WDR62: variants seen among roughly 807,000 people sequenced by gnomAD.
WDR62 encodes WD repeat-containing protein 62.
A neutral mutation model predicts 160.6 loss-of-function variants in WDR62; 112 were observed. That is an observed-to-expected ratio of 0.70 (90% confidence interval 0.60 to 0.82). The LOEUF (loss-of-function observed/expected upper bound fraction) is 0.82. Among genes scored for constraint, WDR62 ranks in the 40% least tolerant of loss-of-function variants. WDR62 has a pLI of 0.00. For missense variants in WDR62, 1,819 were observed against 1,983.8 expected (o/e 0.92, Z 1.58); for synonymous variants, 792 against 815.1 (o/e 0.97, Z 0.48).
intron 3 of WDR62, 173 bp downstream of exon 3, chr19:36,060,203 T>C: frequency 1.5e-6 from 1 of 687,178 alleles, no homozygotes; most frequent in Non-Finnish European, 2.6e-6. Flanking sequence ...GACACAGCAG[T>C]GACCAGAGGA....
intron 3 of WDR62, 109 bp downstream of exon 3, chr19:36,060,139 T>TA: frequency 8.7e-7 from 1 of 1,150,238 alleles, no homozygotes; most frequent in Non-Finnish European, 1.3e-6. Flanking sequence ...CTCATTCACT[T>TA]ACATGTTGGC....
At chr19:36,065,889 G>A (rs919415014) in intron 3 of WDR62, 69 bp from the exon 4 acceptor site, 4 of 1,482,302 alleles carry the variant, frequency 2.7e-6, no homozygotes, top group East Asian at 4.5e-5. Flanking sequence ...TCCTATCAGA[G>A]TCGCCAGGAT....
chr19:36,103,865 CAA>C lies in WDR62; in HGVS notation c.4038_4039del (p.Leu1348ProfsTer4), dbSNP rs1973564968. ...AGGCTCCACGGCTCTGCCTTTCGCC[CAA>C]GTCTCCCAGCTCCTGAGTCCCCTGG... On this transcript the variant is annotated frameshift_variant, in exon 30 of 32. Transcript: ENST00000401500. LOFTEE classifies it high-confidence loss of function. 2 of 1,602,286 alleles carry C rather than the reference CAA, an allele frequency of 1.2e-6. No homozygotes were observed. The highest frequency in any genetic ancestry group is 2.7e-5 in the African/African-American group (2 of 74,940).
chr19:36,067,672 G>A (rs1971014957), intron 6 of WDR62, among the ~76,000 whole-genome samples, 156 bp from the exon 7 acceptor site: 1 of 152,198 alleles, frequency 6.6e-6, no homozygotes, highest in African/African-American at 2.4e-5. Flanking sequence ...CTGCTGTCCA[G>A]CCCCTCTGTC....
At chr19:36,091,340 T>TCCCCCC in intron 17 of WDR62, 29 bp downstream of exon 17, 32 of 1,579,002 alleles carry the variant, frequency 2.0e-5, no homozygotes, top group Non-Finnish European at 2.7e-5. Context: ...TTGGGATGCC[T>TCCCCCC]CCCCACCCGC....
chr19:36,066,109 A>G, intron 4 of WDR62, 94 bp downstream of exon 4: 2 of 1,574,342 alleles, frequency 1.3e-6, no homozygotes, highest in Non-Finnish European at 1.7e-6. Flanking sequence ...TCCCTGGAAT[A>G]GCTCCTTCCT....
chr19:36,088,903 C>T (rs1056467604), intron 13 of WDR62, 135 bp from the exon 14 acceptor site: 2 of 962,596 alleles, frequency 2.1e-6, no homozygotes, highest in East Asian at 5.2e-5. Context: ...CCAGACCCAG[C>T]ACCCACCTCA....
chr19:36,064,052 C>A (rs1474818951), intron 3 of WDR62, among the ~76,000 whole-genome samples: 1 of 152,126 alleles, frequency 6.6e-6, no homozygotes, highest in Non-Finnish European at 1.5e-5. Context: ...TCATGAGAGC[C>A]CTGACTCCAT....
intron 9 of WDR62, among the ~76,000 whole-genome samples, chr19:36,075,601 A>T (rs910853518): frequency 6.6e-6 from 1 of 151,974 alleles, no homozygotes; most frequent in Non-Finnish European, 1.5e-5. Flanking sequence ...AGCCGCCACC[A>T]CGCCTGGCTA....
intron 9 of WDR62, chr19:36,075,455 T>TC (rs1568339124): frequency 4.8e-5 from 7 of 146,048 alleles, no homozygotes; most frequent in African/African-American, 1.6e-4. Context: ...GCAGCTTTTT[T>TC]TCCCCCCCAA....
downstream of WDR62, chr19:36,105,124 G>T (rs550951506): frequency 2.1e-4 from 314 of 1,471,970 alleles, 1 homozygote; most frequent in African/African-American, 1.9e-3. Context: ...CCTGGTGTCT[G>T]TTTGGGCCTA....
At chr19:36,060,058 G>T in intron 3 of WDR62, 28 bp downstream of exon 3, 4 of 1,613,436 alleles carry the variant, frequency 2.5e-6, no homozygotes, top group Non-Finnish European at 3.4e-6. Context: ...CCCGGGGCAG[G>T]GGTGGAACCA....
chr19:36,109,314 T>TC (rs1194031795), downstream of WDR62, among the ~76,000 whole-genome samples: 1 of 152,162 alleles, frequency 6.6e-6, no homozygotes, highest in African/African-American at 2.4e-5. Context: ...ACCCCTCTTT[T>TC]CCCCATCATG....
At chr19:36,106,281 G>A (rs560987957), downstream of WDR62, among the ~76,000 whole-genome samples, 2 of 149,408 alleles carry the variant, frequency 1.3e-5, no homozygotes, top group East Asian at 2.0e-4. Context: ...CAGGAGAATC[G>A]CTCAAACCCA....
chr19:36,068,850 C>T (rs571326860), intron 7 of WDR62, among the ~76,000 whole-genome samples: 4 of 151,892 alleles, frequency 2.6e-5, no homozygotes, highest in Non-Finnish European at 4.4e-5. Flanking sequence ...CATCATGGCC[C>T]GTTCTCAATG....
chr19:36,082,297 T>C (rs537610508), intron 10 of WDR62, among the ~76,000 whole-genome samples: 37 of 152,278 alleles, frequency 2.4e-4, no homozygotes, highest in African/African-American at 8.4e-4. Flanking sequence ...AGCAGCAGCA[T>C]GTGAACTTAT....
chr19:36,102,589 C>A, intron 26 of WDR62, 148 bp from the exon 27 acceptor site: 1 of 683,164 alleles, frequency 1.5e-6, no homozygotes. Context: ...CTGAGCCTCA[C>A]GATGCCTCCT....
intron 9 of WDR62, among the ~76,000 whole-genome samples, chr19:36,074,562 G>C (rs969041999): frequency 6.6e-6 from 1 of 152,114 alleles, no homozygotes; most frequent in Non-Finnish European, 1.5e-5. Context: ...GCTGCGGCAG[G>C]GGGGCTGAAA....
At chr19:36,085,089 T>C (rs1029729352) in intron 12 of WDR62, among the ~76,000 whole-genome samples, 5 of 152,192 alleles carry the variant, frequency 3.3e-5, no homozygotes, top group African/African-American at 7.2e-5. Context: ...GAGAATATTA[T>C]AATGAACACC....
Sources: gnomAD v4.1 joint callset for allele counts (sites outside exome capture counted in the v4.1 genomes callset) on GRCh38, gnomAD v4.1.1 for gene constraint, MANE v1.5 for transcripts, NCBI Gene and HGNC (gene_info 2026-07-23, HGNC 2026-07-21) for gene names.